FAR2: variants seen among roughly 807,000 people sequenced by gnomAD.
The protein encoded by FAR2 is fatty acyl-CoA reductase 2.
A neutral mutation model predicts 56.0 loss-of-function variants in FAR2; 19 were observed. That is an observed-to-expected ratio of 0.34 (90% CI 0.24 to 0.50). FAR2 has a LOEUF of 0.50. FAR2 is among the 20% of genes least tolerant of loss of function. The pLI, the probability that FAR2 is intolerant of heterozygous loss-of-function variation, is 0.98. For missense variants in FAR2, 508 were observed against 642.2 expected (o/e 0.79, Z 2.26); for synonymous variants, 219 against 218.8 (o/e 1.00, Z -0.01).
At chr12:29,211,118 A>G (rs991784772) in intron 1 of FAR2, among the ~76,000 whole-genome samples, 19 of 151,810 alleles carry the variant, frequency 1.3e-4, no homozygotes, top group African/African-American at 3.9e-4. Flanking sequence ...GCTGAGTTGC[A>G]TTCTTCTTCT....
At chr12:29,292,475 T>A (rs971353910) in intron 2 of FAR2, 2 of 152,206 alleles carry the variant, frequency 1.3e-5, no homozygotes, top group African/African-American at 4.8e-5. Flanking sequence ...ACAATTAACA[T>A]TAACTATCAA....
chr12:29,282,954 G>T (rs544497518), intron 2 of FAR2, among the ~76,000 whole-genome samples: 41 of 152,160 alleles, frequency 2.7e-4, no homozygotes, highest in Non-Finnish European at 4.9e-4. Flanking sequence ...CCAGTGGGGG[G>T]AAAGTATATG....
intron 1 of FAR2, among the ~76,000 whole-genome samples, chr12:29,270,076 C>T (rs1379220280): frequency 6.6e-6 from 1 of 152,230 alleles, no homozygotes; most frequent in Non-Finnish European, 1.5e-5. Flanking sequence ...ATGTACCCCT[C>T]TCAGGTCTCC....
rs529459963 is a variant in FAR2 at position 29,290,574 on chromosome 12, C to T, written c.190-2726C>T. ...CCCATATTTGTTGCAGTACTGCTCA[C>T]ACTAGCTAAGATTTGGAAGCCACCT... On this transcript the variant is annotated intron_variant, in intron 2 of 11. Coordinates refer to ENST00000536681, the MANE Select transcript of FAR2 (RefSeq NM_001271783.2). 3.3e-5 allele frequency among the ~76,000 whole-genome samples: 5 copies of T among 152,260 alleles called. No individual in the cohort carries two copies. The South Asian group carries it at 6.2e-4, about 19-fold the overall frequency.
At position 29,322,257 on chromosome 12, in the gene FAR2, C is replaced by T. The variant is rs562720859; in HGVS notation, c.1257+333C>T. 7.9e-5 allele frequency among the ~76,000 whole-genome samples: 12 copies of T among 152,270 alleles called. No homozygotes were observed. The East Asian group carries it at 1.2e-3, about 15-fold the overall frequency. ...AGTACCTCTGGGTGGCTGTGTTCTT[C>T]CCTTATCTGCCACAGCATATGACTT... On this transcript the variant is annotated intron_variant, in intron 10 of 11. Coordinates refer to ENST00000536681, the MANE Select transcript of FAR2 (RefSeq NM_001271783.2).
intron 1 of FAR2, among the ~76,000 whole-genome samples, chr12:29,191,243 G>A (rs1398326802): frequency 6.6e-6 from 1 of 152,224 alleles, no homozygotes; most frequent in African/African-American, 2.4e-5. Context: ...CAAGTCTTGC[G>A]CATTTCTCCA....
chr12:29,323,986 T>C (rs529349629), intron 10 of FAR2, among the ~76,000 whole-genome samples: 4 of 151,852 alleles, frequency 2.6e-5, no homozygotes, highest in African/African-American at 9.7e-5. Context: ...GGCAAAGAAG[T>C]TAAAAACTTT....
intron 2 of FAR2, chr12:29,292,133 T>C (rs760011933): frequency 3.3e-5 from 5 of 152,132 alleles, no homozygotes; most frequent in Non-Finnish European, 7.4e-5. Flanking sequence ...TGTCTGAAAG[T>C]ATAATATGGA....
chr12:29,288,157 A>G (rs1948905681), intron 2 of FAR2, among the ~76,000 whole-genome samples: 1 of 152,184 alleles, frequency 6.6e-6, no homozygotes, highest in East Asian at 1.9e-4. Flanking sequence ...AAGTCAATGG[A>G]ACACTCCCAA....
chr12:29,325,195 G>A (rs1377224364), intron 10 of FAR2, among the ~76,000 whole-genome samples: 1 of 152,174 alleles, frequency 6.6e-6, no homozygotes, highest in South Asian at 2.1e-4. Flanking sequence ...AGCAAGAAGA[G>A]CTAACTATCC....
At chr12:29,250,995 G>A (rs2136676415) in intron 1 of FAR2, among the ~76,000 whole-genome samples, 1 of 152,272 alleles carries the variant, frequency 6.6e-6, no homozygotes, top group East Asian at 1.9e-4. Flanking sequence ...AAGAGGAGGT[G>A]GGCATGTTAC....
chr12:29,213,260 T>C (rs970727162), intron 1 of FAR2, among the ~76,000 whole-genome samples: 16 of 151,916 alleles, frequency 1.1e-4, no homozygotes, highest in Non-Finnish European at 2.2e-4. Context: ...TAATAGCCCT[T>C]ACTGGAATAA....
chr12:29,318,631 A>G (rs974137960), intron 9 of FAR2, among the ~76,000 whole-genome samples: 1 of 152,220 alleles, frequency 6.6e-6, no homozygotes, highest in Non-Finnish European at 1.5e-5. Flanking sequence ...ATACTCTCCT[A>G]TGCTTTTACA....
intron 1 of FAR2, among the ~76,000 whole-genome samples, chr12:29,213,495 GC>G (rs1947580450): frequency 6.6e-6 from 1 of 152,084 alleles, no homozygotes; most frequent in Non-Finnish European, 1.5e-5. Context: ...TTTGAGACCA[GC>G]CTGGTCAACA....
chr12:29,302,316 T>C (rs986035168), intron 4 of FAR2, among the ~76,000 whole-genome samples: 1 of 141,036 alleles, frequency 7.1e-6, no homozygotes, highest in Admixed American at 7.3e-5. Context: ...CCAAGACAAA[T>C]AGAACACGGC....
At position 29,221,871 on chromosome 12, in the gene FAR2, G is replaced by A. The variant is rs140395741; in HGVS notation, c.-38-48541G>A. On this transcript the variant is annotated intron_variant, in intron 1 of 11. Transcript: ENST00000536681. ...CCAAACTTGCTTTTTTTTTTGAGAC[G>A]GAGTCTCGCTCTGTCACCCAGACTG... 8.9e-3 allele frequency among the ~76,000 whole-genome samples: 1,356 copies of A among 151,564 alleles called. 26 individuals carry two copies. Among genetic ancestry groups the A allele is most frequent in the African/African-American group, 0.031 (1,290 of 41,332 alleles).
In FAR2 at chr12:29,253,235, AGATATCTATATATC is replaced by A. The variant is rs1443500564; in HGVS notation, c.-38-17167_-38-17154del. Among the ~76,000 whole-genome samples, 456 of 98,392 alleles carry A rather than the reference AGATATCTATATATC, an allele frequency of 4.6e-3. 3 individuals carry two copies. Among genetic ancestry groups the A allele is most frequent in the African/African-American group, 0.019 (376 of 20,294 alleles). 64.5% of individuals were successfully genotyped at this position (98,392 alleles called of 152,430 possible). A position where few individuals can be genotyped will look rare whatever the true frequency, so the allele number is the denominator to read the frequency against. On this transcript the variant is annotated intron_variant, in intron 1 of 11. Transcript: ENST00000536681. ...TCTATATATCGATATCTATCTAGATAGATATCTATATATCGATATCTATCTAGATAGATATCTAT... is the reference window on the plus strand; with the variant it reads ...TCTATATATCGATATCTATCTAGATAGATATCTATCTAGATAGATATCTAT...
At chr12:29,273,998 A>C (rs1029078162) in intron 2 of FAR2, among the ~76,000 whole-genome samples, 26 of 152,070 alleles carry the variant, frequency 1.7e-4, no homozygotes, top group Non-Finnish European at 2.4e-4. Context: ...GAGAACCTGG[A>C]TAACTCTGTT....
chr12:29,153,628 C>G (rs1048098255), intron 1 of FAR2, among the ~76,000 whole-genome samples: 3 of 152,112 alleles, frequency 2.0e-5, no homozygotes, highest in African/African-American at 7.2e-5. Flanking sequence ...TTGAGGAACT[C>G]TTTATGTAGA....
Sources: gnomAD v4.1 joint callset for allele counts (sites outside exome capture counted in the v4.1 genomes callset) on GRCh38, gnomAD v4.1.1 for gene constraint, MANE v1.5 for transcripts, NCBI Gene and HGNC (gene_info 2026-07-23, HGNC 2026-07-21) for gene names.